The following ATOSA variants were observed in gnomAD, a reference collection of about 807,000 sequenced individuals.
ATOSA encodes the protein atos homolog A.
At chr15:52,651,846 G>T in the ATOSA span, 4 of 1,534,050 alleles carry the variant, frequency 2.6e-6, no homozygotes, top group Admixed American at 2.0e-5. Context: ...AAATAAAGCC[G>T]TTAAAAAACA....
chr15:52,686,277 T>C, the ATOSA span, among the ~76,000 whole-genome samples: 3 of 152,218 alleles, frequency 2.0e-5, no homozygotes, highest in African/African-American at 7.2e-5. Flanking sequence ...ACAATAATAC[T>C]TTTCATGGTT....
chr15:52,682,815 A>G, the ATOSA span, among the ~76,000 whole-genome samples: 2 of 152,374 alleles, frequency 1.3e-5, no homozygotes, highest in East Asian at 3.8e-4. Context: ...TCTTTTCCAT[A>G]TCTAAATTGT....
chr15:52,662,377 T>C, the ATOSA span, among the ~76,000 whole-genome samples: 1 of 152,168 alleles, frequency 6.6e-6, no homozygotes, highest in African/African-American at 2.4e-5. Flanking sequence ...AAATGGAATC[T>C]CCAGTTTTAC....
At chr15:52,609,791 C>T in the ATOSA span, 1 of 1,613,114 alleles carries the variant, frequency 6.2e-7, no homozygotes, top group South Asian at 1.1e-5. Flanking sequence ...GCAATTCTTG[C>T]AATGATTTCT....
chr15:52,700,967 T>C, the ATOSA span, among the ~76,000 whole-genome samples: 1 of 152,214 alleles, frequency 6.6e-6, no homozygotes, highest in African/African-American at 2.4e-5. Flanking sequence ...AAGCTGTTTT[T>C]TCTGGAGCTA....
chr15:52,638,990 G>GA, the ATOSA span, among the ~76,000 whole-genome samples: 4 of 138,112 alleles, frequency 2.9e-5, no homozygotes, highest in South Asian at 2.2e-4. Flanking sequence ...TGATTATGAA[G>GA]AAAAAAAATT....
the ATOSA span, among the ~76,000 whole-genome samples, chr15:52,695,267 G>A: frequency 1.3e-5 from 2 of 152,076 alleles, no homozygotes; most frequent in Non-Finnish European, 1.5e-5. Context: ...AAATTGCTCA[G>A]GCTAAAGTAC....
At chr15:52,605,372 T>A in the ATOSA span, 1 of 621,096 alleles carries the variant, frequency 1.6e-6, no homozygotes, top group Admixed American at 3.5e-5. Context: ...GCTGGTGATA[T>A]ACAGGTGGGA....
At chr15:52,639,919 T>C in the ATOSA span, among the ~76,000 whole-genome samples, 4 of 144,174 alleles carry the variant, frequency 2.8e-5, no homozygotes, top group Non-Finnish European at 6.0e-5. Flanking sequence ...CCCAGCTAAT[T>C]TTTTTTTTTT....
At chr15:52,597,523 T>A in the ATOSA span, among the ~76,000 whole-genome samples, 1 of 152,152 alleles carries the variant, frequency 6.6e-6, no homozygotes, top group Admixed American at 6.5e-5. Flanking sequence ...AGCCACCCCC[T>A]AAGAGTAAAT....
At chr15:52,697,366 C>T in the ATOSA span, among the ~76,000 whole-genome samples, 2 of 152,236 alleles carry the variant, frequency 1.3e-5, no homozygotes, top group African/African-American at 2.4e-5. Flanking sequence ...TCACATCTTA[C>T]AGCAGTCTTG....
the ATOSA span, among the ~76,000 whole-genome samples, chr15:52,636,843 T>C: frequency 2.0e-5 from 3 of 152,200 alleles, no homozygotes; most frequent in Admixed American, 2.0e-4. Context: ...CTAGGTGTTC[T>C]CAGTTAATAA....
the ATOSA span, among the ~76,000 whole-genome samples, chr15:52,612,235 T>A: frequency 6.6e-6 from 1 of 152,238 alleles, no homozygotes; most frequent in Non-Finnish European, 1.5e-5. Context: ...TCTGCCCACC[T>A]TGGCCTCACA....
At chr15:52,606,303 G>T in the ATOSA span, among the ~76,000 whole-genome samples, 1 of 152,036 alleles carries the variant, frequency 6.6e-6, no homozygotes, top group African/African-American at 2.4e-5. Context: ...CAAGAAACAG[G>T]CTAATTCTTA....
At chr15:52,635,243 C>A in the ATOSA span, among the ~76,000 whole-genome samples, 46 of 152,168 alleles carry the variant, frequency 3.0e-4, no homozygotes, top group African/African-American at 1.1e-3. Flanking sequence ...ATCAATAGAA[C>A]AATTAACAAA....
the ATOSA span, among the ~76,000 whole-genome samples, chr15:52,655,566 A>T: frequency 6.6e-6 from 1 of 152,168 alleles, no homozygotes; most frequent in South Asian, 2.1e-4. Context: ...TTTGATCTTA[A>T]GCACTTCTTT....
the ATOSA span, among the ~76,000 whole-genome samples, chr15:52,596,652 T>A: frequency 6.6e-6 from 1 of 152,202 alleles, no homozygotes; most frequent in East Asian, 1.9e-4. Flanking sequence ...GGGGGTACTA[T>A]TGGAATCAAG....
At chr15:52,696,445 T>C in the ATOSA span, among the ~76,000 whole-genome samples, 5 of 152,166 alleles carry the variant, frequency 3.3e-5, no homozygotes, top group Non-Finnish European at 7.3e-5. Context: ...TTCCAGTCTA[T>C]CCTATCAGCT....
At chr15:52,689,050 A>G in the ATOSA span, among the ~76,000 whole-genome samples, 209 of 152,246 alleles carry the variant, frequency 1.4e-3, no homozygotes, top group African/African-American at 4.4e-3. Context: ...TTCTGAGAAT[A>G]GTTAGTAGCT....
Sources: allele counts gnomAD v4.1 joint callset (sites outside exome capture counted in the v4.1 genomes callset), GRCh38; gene constraint gnomAD v4.1.1; transcripts MANE v1.5; gene names NCBI Gene and HGNC (gene_info 2026-07-23, HGNC 2026-07-21).